Variants in BMERB1 observed in about 807,000 individuals in gnomAD.
BMERB1 encodes bMERB domain containing 1, also known as bMERB domain-containing protein 1.
BMERB1 carries 12 observed loss-of-function variants against 23.6 expected under a neutral mutation model. That is an observed-to-expected ratio of 0.51 (90% CI 0.33 to 0.82). The LOEUF is 0.82. Among genes scored for constraint, BMERB1 ranks in the 40% least tolerant of loss-of-function variants. The probability of loss-of-function intolerance (pLI) is 0.03; values close to 1 mark genes in which losing one functional copy is unlikely to be tolerated. For synonymous variants in BMERB1, 122 were observed against 96.6 expected (o/e 1.26, Z -1.54); for missense variants, 247 against 255.4 (o/e 0.97, Z 0.22).
Position 15,455,281 on chromosome 16 carries a change from G to T in BMERB1, c.106+20522G>T, listed in dbSNP as rs543600776. On this transcript the variant is annotated intron_variant, in intron 1 of 5. Coordinates refer to ENST00000300006, the MANE Select transcript of BMERB1 (RefSeq NM_033201.3). ...GGAGGTTGCAGTGAGCCGAGATGGCGCAACTGCACTCCAGCCTGGGCAACA... is the reference window on the plus strand; with the variant it reads ...GGAGGTTGCAGTGAGCCGAGATGGCTCAACTGCACTCCAGCCTGGGCAACA... 4.1e-5 allele frequency among the ~76,000 whole-genome samples: 6 copies of T among 146,778 alleles called. No homozygotes were observed. In the South Asian group the frequency reaches 1.3e-3, roughly 32 times the overall value.
intron 1 of BMERB1, among the ~76,000 whole-genome samples, chr16:15,496,899 A>AAGCCAGGCAGGGGCAG (rs925165604): frequency 3.3e-5 from 5 of 152,140 alleles, no homozygotes; most frequent in South Asian, 2.1e-4. Context: ...CAGGGGCACA[A>AAGCCAGGCAGGGGCAG]AGCCAGGCAG....
chr16:15,480,258 C>A (rs1427677027), intron 1 of BMERB1, among the ~76,000 whole-genome samples: 2 of 151,106 alleles, frequency 1.3e-5, no homozygotes, highest in South Asian at 4.2e-4. Flanking sequence ...ACTACAGGCA[C>A]CCGCCACTAT....
intron 2 of BMERB1, among the ~76,000 whole-genome samples, chr16:15,559,619 G>T (rs2030362531): frequency 6.6e-6 from 1 of 152,222 alleles, no homozygotes; most frequent in Non-Finnish European, 1.5e-5. Flanking sequence ...CTCCGTAAAT[G>T]CTGACTTCTT....
intron 4 of BMERB1, 186 bp downstream of exon 4, chr16:15,581,517 A>T: frequency 8.1e-6 from 4 of 496,260 alleles, no homozygotes; most frequent in Non-Finnish European, 1.4e-5. Context: ...TTTTGTATAT[A>T]AGAGAATTTC....
At chr16:15,491,943 T>G (rs1375486972) in intron 1 of BMERB1, among the ~76,000 whole-genome samples, 3 of 152,190 alleles carry the variant, frequency 2.0e-5, no homozygotes, top group Non-Finnish European at 2.9e-5. Flanking sequence ...CTGTCTGTCT[T>G]CATCAGGAGG....
chr16:15,580,599 G>A (rs2030982920), intron 3 of BMERB1, among the ~76,000 whole-genome samples: 1 of 149,080 alleles, frequency 6.7e-6, no homozygotes, highest in Admixed American at 6.7e-5. Flanking sequence ...CCAGGCTAGA[G>A]TGCAGTGGTG....
At chr16:15,451,326 G>T (rs1285060842) in intron 1 of BMERB1, among the ~76,000 whole-genome samples, 4 of 151,972 alleles carry the variant, frequency 2.6e-5, no homozygotes, top group African/African-American at 9.7e-5. Flanking sequence ...GAGTAGCTGG[G>T]ACCACAGGTG....
chr16:15,469,825 C>G (rs1217607667), intron 1 of BMERB1, among the ~76,000 whole-genome samples: 1 of 152,146 alleles, frequency 6.6e-6, no homozygotes, highest in Non-Finnish European at 1.5e-5. Flanking sequence ...TCATATTTGT[C>G]TCTTGACATT....
chr16:15,441,115 G>C (rs1245075803), intron 1 of BMERB1, among the ~76,000 whole-genome samples: 6 of 152,160 alleles, frequency 3.9e-5, no homozygotes, highest in African/African-American at 7.2e-5. Flanking sequence ...GGGCCTTTTA[G>C]GTTGTGATTA....
At chr16:15,510,140 C>T (rs2051645391) in intron 1 of BMERB1, among the ~76,000 whole-genome samples, 1 of 152,150 alleles carries the variant, frequency 6.6e-6, no homozygotes, top group African/African-American at 2.4e-5. Context: ...CTGCCAACAC[C>T]TTGGTTTCCG....
chr16:15,585,305 G>A (rs777655264), intron 5 of BMERB1, among the ~76,000 whole-genome samples: 23 of 152,222 alleles, frequency 1.5e-4, no homozygotes, highest in Admixed American at 3.3e-4. Flanking sequence ...TGATTCTGGC[G>A]AGAAATCAAA....
At chr16:15,469,168 G>C (rs1465838159) in intron 1 of BMERB1, among the ~76,000 whole-genome samples, 1 of 151,894 alleles carries the variant, frequency 6.6e-6, no homozygotes, top group Non-Finnish European at 1.5e-5. Context: ...GTTTCACCAT[G>C]CTGGCCGGGC....
intron 1 of BMERB1, among the ~76,000 whole-genome samples, chr16:15,459,554 AAAC>A (rs1479216328): frequency 2.0e-5 from 3 of 152,218 alleles, no homozygotes; most frequent in East Asian, 3.8e-4. Flanking sequence ...ATAGTGATAA[AAAC>A]AACAATACAA....
rs748211459 is a variant in BMERB1, at chr16:15,587,627, C to G, written c.*798C>G. The G allele has an allele frequency of 6.1e-5, 24 of 391,772 alleles. No homozygotes were observed. The highest frequency in any genetic ancestry group is 4.4e-4 in the African/African-American group (21 of 47,806). The allele number at this position is 391,772 out of a possible 1,614,324, so 24.3% of individuals were successfully genotyped here. The stretch of plus-strand genomic sequence containing the variant: ...GAATGGGACCCAGAGTAGATGCTGA[C>G]CTGGGCACTCCACCATTCCGGGGCC... On this transcript the variant is annotated 3_prime_UTR_variant, in exon 6 of 6. Coordinates refer to ENST00000300006, the MANE Select transcript of BMERB1 (RefSeq NM_033201.3).
At chr16:15,481,718 C>A (rs910235060) in intron 1 of BMERB1, among the ~76,000 whole-genome samples, 3 of 151,132 alleles carry the variant, frequency 2.0e-5, no homozygotes, top group Non-Finnish European at 2.9e-5. Context: ...TTTTCTTTTT[C>A]TTTTCTTTCT....
intron 2 of BMERB1, among the ~76,000 whole-genome samples, chr16:15,541,243 G>A (rs1023119163): frequency 1.3e-5 from 2 of 151,960 alleles, no homozygotes; most frequent in African/African-American, 4.8e-5. Flanking sequence ...TGTGGAGAGG[G>A]AGCCGTGCAG....
At chr16:15,551,733 C>T (rs2030097846) in intron 2 of BMERB1, among the ~76,000 whole-genome samples, 1 of 152,158 alleles carries the variant, frequency 6.6e-6, no homozygotes, top group Non-Finnish European at 1.5e-5. Context: ...GTTTAATTGA[C>T]TCACAGTTCT....
intron 1 of BMERB1, among the ~76,000 whole-genome samples, chr16:15,498,541 GAAAGAAAGGAAA>G (rs2051496796): frequency 1.3e-5 from 2 of 150,936 alleles, no homozygotes; most frequent in Non-Finnish European, 2.9e-5. Flanking sequence ...AAGAGGAAAG[GAAAGAAAGGAAA>G]AAAGAAAGGA....
chr16:15,556,078 C>T (rs978182213), intron 2 of BMERB1, among the ~76,000 whole-genome samples: 1 of 151,842 alleles, frequency 6.6e-6, no homozygotes, highest in African/African-American at 2.4e-5. Context: ...ACTTGGGAGG[C>T]TGAGGCAGGA....
Sources: gnomAD v4.1 joint callset for allele counts (sites outside exome capture counted in the v4.1 genomes callset) on GRCh38, gnomAD v4.1.1 for gene constraint, MANE v1.5 for transcripts, NCBI Gene and HGNC (gene_info 2026-07-23, HGNC 2026-07-21) for gene names.